The following LRRC8E variants were observed in gnomAD, a reference collection of about 807,000 sequenced individuals.
The protein encoded by LRRC8E is leucine rich repeat containing 8 VRAC subunit E, also known as volume-regulated anion channel subunit LRRC8E.
A neutral mutation model predicts 6.1 loss-of-function variants in LRRC8E; 6 were observed. That is an observed-to-expected ratio of 0.98 (90% CI 0.54 to 1.93). The LOEUF is 1.93. Ranked by LOEUF, LRRC8E falls within the 30% of genes most tolerant of loss-of-function variation. The pLI, the probability that LRRC8E is intolerant of heterozygous loss-of-function variation, is 0.01. For missense variants in LRRC8E, 1,028 were observed against 1,031.4 expected (o/e 1.00, Z 0.04); for synonymous variants, 485 against 472.8 (o/e 1.03, Z -0.33).
Position 7,899,287 on chromosome 19 carries a change from C to CAA in LRRC8E, c.766_767insAA (p.Ile256LysfsTer7). On this transcript the variant is annotated frameshift_variant, in exon 3 of 3. Transcript: ENST00000306708. LOFTEE classifies it low-confidence loss of function (END_TRUNC). ...AGGGCGACATCCTGTACACCATGTA[C>CAA]ATCCGACAGACGGTGCTGAAAGTGT... The CAA allele has an allele frequency of 1.9e-6, 3 of 1,614,226 alleles. No homozygotes were observed. Among genetic ancestry groups the CAA allele is most frequent in the Non-Finnish European group, 2.5e-6 (3 of 1,180,046 alleles).
At chr19:7,890,608 T>G (rs1981251416) in intron 1 of LRRC8E, among the ~76,000 whole-genome samples, 1 of 151,908 alleles carries the variant, frequency 6.6e-6, no homozygotes, top group Non-Finnish European at 1.5e-5. Context: ...GCTAATACAG[T>G]GAAACCCCGT....
rs1188749722 is a variant in LRRC8E, at chr19:7,900,469, G to T, written c.1947G>T (p.Val649=). The T allele has an allele frequency of 6.2e-7, 1 of 1,613,014 alleles. No individual in the cohort carries two copies. The highest frequency in any genetic ancestry group is 2.2e-5 in the East Asian group (1 of 44,880). ...AGATCGCCTACGTCCCTGAGCACGTGCGGAAGCTCAGGAGCCTGGAGCAGC... is the reference window on the plus strand; with the variant it reads ...AGATCGCCTACGTCCCTGAGCACGTTCGGAAGCTCAGGAGCCTGGAGCAGC... ...HNQIAYVPEH[V]RKLRSLEQLY... is the part of the protein sequence containing the mutation. Residue 649 remains valine, a synonymous_variant, in exon 3 of 3, where the codon GTG becomes GTT. Coordinates refer to ENST00000306708, the MANE Select transcript of LRRC8E (RefSeq NM_025061.6). This position sits in a 1 kb window ranked among gnomAD's most constrained non-coding sequence, Gnocchi z 5.0.
At position 7,900,698 on chromosome 19, in the gene LRRC8E, A is replaced by T; in HGVS notation, c.2176A>T (p.Thr726Ser). 1 of 1,613,384 alleles carries T rather than the reference A, an allele frequency of 6.2e-7. No homozygotes were observed. The highest frequency in any genetic ancestry group is 8.5e-7 in the Non-Finnish European group (1 of 1,180,022). ...EELFFCRKLR[T>S]LLLGDNQLSQ... Reference sequence around the variant, plus strand: ...GCTCTTCTTCTGCCGCAAGCTGCGGACGTTGCTTCTGGGCGACAACCAGCT... The same window carrying T: ...GCTCTTCTTCTGCCGCAAGCTGCGGTCGTTGCTTCTGGGCGACAACCAGCT... Residue 726 changes from threonine to serine, a missense_variant, in exon 3 of 3, where the codon ACG becomes TCG. By Grantham distance (58) the Thr-to-Ser change is moderately conservative. Transcript: ENST00000306708. The surrounding 1 kb of genome is among the most constrained non-coding windows in gnomAD (Gnocchi z 5.0).
rs2145120811 is a variant in LRRC8E, at chr19:7,901,914, G to C, written c.*1001G>C. The C allele has an allele frequency of 6.6e-6, 1 of 152,282 alleles. No individual in the cohort carries two copies. The highest frequency in any genetic ancestry group is 6.5e-5 in the Admixed American group (1 of 15,296). The allele number at this position is 152,282 out of a possible 1,614,324, so 9.4% of individuals were successfully genotyped here. ...GACTTCCTAAGGTGGGTGGACTGCA[G>C]GGTTAGGACACCTGCTATAGAGGTG... On this transcript the variant is annotated 3_prime_UTR_variant, in exon 3 of 3. Transcript: ENST00000306708.
chr19:7,890,782 C>T (rs191310010), intron 1 of LRRC8E, among the ~76,000 whole-genome samples: 5 of 151,924 alleles, frequency 3.3e-5, no homozygotes. Flanking sequence ...GAGTGAGACT[C>T]TGTCTCAAAA....
rs3745385 is a variant in LRRC8E at position 7,900,784 on chromosome 19, C to T, written c.2262C>T (p.Gly754=). The change falls in exon 3 of 3, where the codon GGC becomes GGT. Residue 754 remains glycine, a synonymous_variant. Coordinates refer to ENST00000306708, the MANE Select transcript of LRRC8E (RefSeq NM_025061.6). The surrounding 1 kb of genome is among the most constrained non-coding windows in gnomAD (Gnocchi z 5.0). ...CCCTCAGCCGCCTGGAGCTCAAAGGCAACCGCTTAGAGGCGCTGCCAGAAG... is the reference window on the plus strand; with the variant it reads ...CCCTCAGCCGCCTGGAGCTCAAAGGTAACCGCTTAGAGGCGCTGCCAGAAG... ...LRALSRLELK[G]NRLEALPEEL... is the part of the protein sequence containing the mutation. The T allele has an allele frequency of 7.9e-3, 12,792 of 1,609,060 alleles. 487 individuals carry two copies. In the African/African-American group the frequency reaches 0.097, roughly 12 times the overall value.
rs1599605454 is a variant in LRRC8E, at chr19:7,895,573, A to C, written c.-5-26A>C. The C allele has an allele frequency of 6.2e-7, 1 of 1,601,406 alleles. No individual in the cohort carries two copies. Among genetic ancestry groups the C allele is most frequent in the Non-Finnish European group, 8.5e-7 (1 of 1,170,014 alleles). ...TCCCATCCTGAGGGTCTCTCTCTACACCCCCCGTCTCGTCCCGTCCCACAG... is the reference window on the plus strand; with the variant it reads ...TCCCATCCTGAGGGTCTCTCTCTACCCCCCCCGTCTCGTCCCGTCCCACAG... On this transcript the variant is annotated intron_variant, in intron 1 of 2. Coordinates refer to ENST00000306708, the MANE Select transcript of LRRC8E (RefSeq NM_025061.6). The surrounding 1 kb of genome is among the most constrained non-coding windows in gnomAD (Gnocchi z 4.7).
intron 1 of LRRC8E, among the ~76,000 whole-genome samples, chr19:7,892,864 G>A (rs574445107): frequency 9.2e-5 from 14 of 152,002 alleles, no homozygotes; most frequent in East Asian, 1.9e-4. Context: ...TTGCTCTGTC[G>A]CCCAGGCTGG....
rs767158381 is a variant in LRRC8E, at chr19:7,899,572, G to A, written c.1050G>A (p.Glu350=). The A allele has an allele frequency of 6.2e-7, 1 of 1,613,888 alleles. No homozygotes were observed. ...KEYSFRSVRE[E]TGMGDIPDVK... is the part of the protein sequence containing the mutation. Reference sequence around the variant, plus strand: ...ACTCCTTCCGTTCCGTGCGGGAGGAGACTGGCATGGGGGACATTCCTGACG... The same window carrying A: ...ACTCCTTCCGTTCCGTGCGGGAGGAAACTGGCATGGGGGACATTCCTGACG... The change falls in exon 3 of 3, where the codon GAG becomes GAA. Residue 350 remains glutamate (E), a synonymous_variant. Coordinates refer to ENST00000306708, the MANE Select transcript of LRRC8E (RefSeq NM_025061.6).
At position 7,895,771 on chromosome 19, in the gene LRRC8E, A is replaced by C; in HGVS notation, c.138+30A>C. On this transcript the variant is annotated intron_variant, in intron 2 of 2. Transcript: ENST00000306708. This position sits in a 1 kb window ranked among gnomAD's most constrained non-coding sequence, Gnocchi z 4.7. ...GGCCCTCCCCTGGCAAGGGGGTGTG[A>C]CCAGAGGGGCGGGGCAGGTGTCTGG... 6.2e-7 allele frequency: 1 copy of C among 1,604,124 alleles called. No individual in the cohort carries two copies. Among genetic ancestry groups the C allele is most frequent in the South Asian group, 1.1e-5 (1 of 90,890 alleles).
At position 7,899,199 on chromosome 19, in the gene LRRC8E, A is replaced by C; in HGVS notation, c.677A>C (p.Lys226Thr). Residue 226 changes from lysine to threonine, a missense_variant, in exon 3 of 3, where the codon AAG becomes ACG. Coordinates refer to ENST00000306708, the MANE Select transcript of LRRC8E (RefSeq NM_025061.6). ...EPPVVTLLDK[K>T]EGEQAKALFE... ...CCAGTTGTCACCCTGTTGGACAAGAAGGAGGGTGAGCAAGCCAAAGCCCTG... is the reference window on the plus strand; with the variant it reads ...CCAGTTGTCACCCTGTTGGACAAGACGGAGGGTGAGCAAGCCAAAGCCCTG... The C allele has an allele frequency of 6.2e-7, 1 of 1,614,198 alleles. No individual in the cohort carries two copies. Among genetic ancestry groups the C allele is most frequent in the Admixed American group, 1.7e-5 (1 of 60,022 alleles).
At position 7,899,782 on chromosome 19, in the gene LRRC8E, G is replaced by C; in HGVS notation, c.1260G>C (p.Glu420Asp). The change falls in exon 3 of 3, where the codon GAG becomes GAC. Residue 420 changes from glutamate to aspartate, a missense_variant. Glu to Asp is a conservative substitution (Grantham distance 45). Transcript: ENST00000306708. Reference protein sequence around the residue: ...KLQRNAAGRLELALCMLPGLP... With the variant: ...KLQRNAAGRLDLALCMLPGLP... Reference sequence around the variant, plus strand: ...AGCGCAATGCCGCGGGCCGGCTGGAGCTGGCCCTCTGCATGCTGCCGGGTC... The same window carrying C: ...AGCGCAATGCCGCGGGCCGGCTGGACCTGGCCCTCTGCATGCTGCCGGGTC... The C allele has an allele frequency of 6.2e-7, 1 of 1,609,888 alleles. No homozygotes were observed. The highest frequency in any genetic ancestry group is 8.5e-7 in the Non-Finnish European group (1 of 1,180,002).
chr19:7,897,799 T>A (rs496702), intron 2 of LRRC8E, among the ~76,000 whole-genome samples: 1 of 151,710 alleles, frequency 6.6e-6, no homozygotes, highest in Non-Finnish European at 1.5e-5. Flanking sequence ...AAAGACCCTA[T>A]TACCAAACAG....
Position 7,899,735 on chromosome 19 carries a change from G to A in LRRC8E, c.1213G>A (p.Glu405Lys), listed in dbSNP as rs149212105. ...QLNLNHEWTPEKLRQKLQRNA... is the reference protein window; with the variant it reads ...QLNLNHEWTPKKLRQKLQRNA... ...CAATCTCAACCACGAGTGGACGCCC[G>A]AGAAGCTTCGACAGAAGCTGCAGCG... The change falls in exon 3 of 3, where the codon GAG becomes AAG. Residue 405 changes from glutamate (E) to lysine (K), a missense_variant. Transcript: ENST00000306708. The A allele has an allele frequency of 9.1e-5, 147 of 1,612,232 alleles. 1 individual carries two copies. Among genetic ancestry groups the A allele is most frequent in the East Asian group, 3.1e-4 (14 of 44,898 alleles).
intron 1 of LRRC8E, among the ~76,000 whole-genome samples, chr19:7,890,162 G>A (rs1025899670): frequency 1.3e-5 from 2 of 152,114 alleles, no homozygotes; most frequent in African/African-American, 2.4e-5. Flanking sequence ...TGGGCTGTGG[G>A]TGTGGAGGGT....
intron 1 of LRRC8E, among the ~76,000 whole-genome samples, chr19:7,888,875 G>A (rs1202979922): frequency 6.6e-6 from 1 of 152,148 alleles, no homozygotes; most frequent in Non-Finnish European, 1.5e-5. Flanking sequence ...TGACTTTGGG[G>A]GTCTCAACCA....
chr19:7,890,354 C>T (rs1180702213), intron 1 of LRRC8E, among the ~76,000 whole-genome samples: 1 of 152,142 alleles, frequency 6.6e-6, no homozygotes, highest in Admixed American at 6.5e-5. Context: ...TGCAACACCG[C>T]TCTTAGGTGC....
chr19:7,892,367 C>T (rs190155394), intron 1 of LRRC8E, among the ~76,000 whole-genome samples: 24 of 152,214 alleles, frequency 1.6e-4, no homozygotes, highest in East Asian at 9.7e-4. Flanking sequence ...CCACCGCACC[C>T]GGCCCAAATT....
chr19:7,899,649 T>C lies in LRRC8E; in HGVS notation c.1127T>C (p.Leu376Pro), dbSNP rs1981836552. ...CACCTCATCGATCAGTACGACTCCC[T>C]CTACTCCAAGCGCTTCGCCGTCTTC... ...MLHLIDQYDS[L>P]YSKRFAVFLS... The change falls in exon 3 of 3, where the codon CTC becomes CCC. Residue 376 changes from leucine to proline, a missense_variant. Physicochemically the swap from Leu to Pro is moderately conservative, Grantham distance 98. Transcript: ENST00000306708. The C allele has an allele frequency of 6.2e-7, 1 of 1,613,718 alleles. No homozygotes were observed.
Sources: gnomAD v4.1 joint callset for allele counts (sites outside exome capture counted in the v4.1 genomes callset) on GRCh38, gnomAD v4.1.1 for gene constraint, Gnocchi (gnomAD v3.1) non-coding constraint, MANE v1.5 for transcripts, NCBI Gene and HGNC (gene_info 2026-07-23, HGNC 2026-07-21) for gene names.